The following SYNE2 variants were observed in gnomAD, a reference collection of about 807,000 sequenced individuals.
SYNE2 encodes the protein spectrin repeat containing nuclear envelope protein 2.
SYNE2 carries 431 observed loss-of-function variants against 856.3 expected under a neutral mutation model. The ratio of observed to expected loss-of-function variants is 0.50; its 90% CI spans 0.47 to 0.55. The LOEUF (loss-of-function observed/expected upper bound fraction) is 0.55. SYNE2 is among the 20% of genes least tolerant of loss of function. The pLI is 0.00. For missense variants in SYNE2, 8,129 were observed against 8,023.2 expected, an observed-to-expected ratio of 1.01 and a Z score of -0.50; for synonymous variants, 2,923 against 2,872.3, an observed-to-expected ratio of 1.02 and a Z score of -0.56.
chr14:63,850,358 G>A (rs916679826), upstream of SYNE2, among the ~76,000 whole-genome samples: 1 of 151,478 alleles, frequency 6.6e-6, no homozygotes, highest in African/African-American at 2.4e-5. Context: ...AAAGTGCTGG[G>A]ATTACAGGTG....
At position 63,956,464 on chromosome 14, in the gene SYNE2, C is replaced by G. The variant is rs143296909; in HGVS notation, c.787+1549C>G. Reference sequence around the variant, plus strand: ...ACTTCTGAACATTTAGCAGTCAACTCTCTTCAGCTGATGTGAGTCAGCTAG... The same window carrying G: ...ACTTCTGAACATTTAGCAGTCAACTGTCTTCAGCTGATGTGAGTCAGCTAG... On this transcript the variant is annotated intron_variant, in intron 8 of 115. Coordinates refer to ENST00000555002, the MANE Select transcript of SYNE2 (RefSeq NM_182914.3). The G allele has an allele frequency of 9.9e-4, 454 of 456,574 alleles. 3 individuals are homozygous for G. Among genetic ancestry groups the G allele is most frequent in the African/African-American group, 7.8e-3 (392 of 50,196 alleles). 28.3% of individuals were successfully genotyped at this position (456,574 alleles called of 1,614,324 possible). A position where few individuals can be genotyped will look rare whatever the true frequency, so the allele number is the denominator to read the frequency against.
intron 99 of SYNE2, among the ~76,000 whole-genome samples, chr14:64,195,490 C>T (rs893247931): frequency 3.9e-5 from 6 of 152,214 alleles, no homozygotes; most frequent in Non-Finnish European, 7.3e-5. Context: ...TTCCTGTTTA[C>T]ACTGAATTGC....
chr14:63,794,526 C>T (rs140592926), intron 1 of SYNE2, among the ~76,000 whole-genome samples: 2 of 151,886 alleles, frequency 1.3e-5, no homozygotes, highest in Admixed American at 6.6e-5. Context: ...TTCTCAAAAA[C>T]GGAAGTAACA....
chr14:64,184,804 A>G (rs1046721513), intron 96 of SYNE2, among the ~76,000 whole-genome samples: 11 of 152,254 alleles, frequency 7.2e-5, no homozygotes, highest in Admixed American at 5.2e-4. Context: ...TAATTCCTCA[A>G]TCTTCATGCA....
At chr14:64,078,717 T>G in intron 55 of SYNE2, 111 bp downstream of exon 55, 1 of 1,364,588 alleles carries the variant, frequency 7.3e-7, no homozygotes, top group South Asian at 1.2e-5. Context: ...GCACAGAAAT[T>G]GTAAACCAAA....
Position 63,941,923 on chromosome 14 carries a change from C to T in SYNE2, c.276C>T (p.Ile92=), listed in dbSNP as rs575263745. Residue 92 remains isoleucine (I), a synonymous_variant, in exon 5 of 116, where the codon ATC becomes ATT. Coordinates refer to ENST00000555002, the MANE Select transcript of SYNE2 (RefSeq NM_182914.3). ...DKGSNTFQCR[I]NIEHALTFLR... ...GATCTAATACCTTCCAGTGTAGAAT[C>T]AATATAGAACATGCCTTGACATTCC... 1.2e-4 allele frequency: 198 copies of T among 1,613,164 alleles called. 3 individuals carry two copies. The South Asian group carries it at 2.1e-3, about 17-fold the overall frequency.
Position 64,221,629 on chromosome 14 carries a change from C to G in SYNE2, c.20115C>G (p.Asn6705Lys), listed in dbSNP as rs199800249. ...NLLLWLASAK[N>K]RRQKAHVTDP... ...TGCTGTGGTTAGCGAGTGCCAAGAA[C>G]CGGAGGCAGAAGGCTCATGTCACCG... Residue 6705 changes from asparagine to lysine, a missense_variant, in exon 112 of 116, where the codon AAC becomes AAG. Around this residue, in one of 3 missense-constraint regions of SYNE2, gnomAD observed 5,410 missense variants for 5,284.8 expected, o/e 1.02. Coordinates refer to ENST00000555002, the MANE Select transcript of SYNE2 (RefSeq NM_182914.3). 81 of 1,614,124 alleles carry G rather than the reference C, an allele frequency of 5.0e-5. No homozygotes were observed. Among genetic ancestry groups the G allele is most frequent in the South Asian group, 4.8e-4 (44 of 91,068 alleles).
chr14:63,922,695 G>A (rs565063888), intron 2 of SYNE2, among the ~76,000 whole-genome samples: 6 of 152,200 alleles, frequency 3.9e-5, no homozygotes, highest in South Asian at 2.1e-4. Context: ...TCATTTCATC[G>A]CTATTTTTTG....
chr14:63,943,195 G>A (rs897188251), intron 6 of SYNE2, among the ~76,000 whole-genome samples: 1 of 152,178 alleles, frequency 6.6e-6, no homozygotes, highest in African/African-American at 2.4e-5. Flanking sequence ...TCCCAAGACT[G>A]AGTTGTGGAT....
Position 63,978,861 on chromosome 14 carries a change from C to A in SYNE2, c.1416C>A (p.Asn472Lys). The A allele has an allele frequency of 6.2e-7, 1 of 1,612,300 alleles. No individual in the cohort carries two copies. The highest frequency in any genetic ancestry group is 8.5e-7 in the Non-Finnish European group (1 of 1,178,852). ...KLEEMKRRIN[N>K]ILEKKFILLL... ...CTGCACTGTTTTCCAGAATCAACAA[C>A]ATTTTGGAGAAAAAATTTATTCTAC... Residue 472 changes from asparagine to lysine, a missense_variant, in exon 14 of 116, where the codon AAC becomes AAA. Physicochemically the swap from Asn to Lys is moderately conservative, Grantham distance 94. This residue lies in a region of SYNE2 where 2,422 missense variants were observed against 2,357.4 expected (regional missense o/e 1.03). Transcript: ENST00000555002.
intron 45 of SYNE2, among the ~76,000 whole-genome samples, chr14:64,035,890 G>C (rs1432624428): frequency 6.9e-6 from 1 of 145,282 alleles, no homozygotes; most frequent in Non-Finnish European, 1.5e-5. Flanking sequence ...TTTTTGTAGA[G>C]ACCCAGTCTC....
chr14:64,209,085 C>G (rs889896312), intron 101 of SYNE2, 140 bp downstream of exon 101: 2 of 1,124,940 alleles, frequency 1.8e-6, no homozygotes, highest in African/African-American at 3.1e-5. Context: ...CAACGCTTAT[C>G]AAAGGATTTA....
intron 17 of SYNE2, among the ~76,000 whole-genome samples, 164 bp downstream of exon 17, chr14:63,982,958 A>G (rs2096597822): frequency 6.6e-6 from 1 of 152,178 alleles, no homozygotes; most frequent in Non-Finnish European, 1.5e-5. Context: ...AGGAAACCCT[A>G]GCAGTCACTC....
intron 34 of SYNE2, among the ~76,000 whole-genome samples, chr14:64,018,977 A>G (rs2096915856): frequency 6.6e-6 from 1 of 152,192 alleles, no homozygotes; most frequent in African/African-American, 2.4e-5. Context: ...TGTATCATAT[A>G]AATTTGTTGT....
chr14:63,956,280 A>G (rs1026939565), intron 8 of SYNE2: 1 of 395,460 alleles, frequency 2.5e-6, no homozygotes, highest in Non-Finnish European at 5.0e-6. Context: ...CAGATACAAT[A>G]GACAGATAGC....
chr14:63,766,233 C>G (rs961909249), intron 1 of SYNE2, among the ~76,000 whole-genome samples: 1 of 151,966 alleles, frequency 6.6e-6, no homozygotes, highest in African/African-American at 2.4e-5. Context: ...TTCCTGCTAT[C>G]ACACCTGGCT....
At chr14:63,927,902 A>AG (rs1188383517) in intron 2 of SYNE2, among the ~76,000 whole-genome samples, 1 of 152,054 alleles carries the variant, frequency 6.6e-6, no homozygotes, top group South Asian at 2.1e-4. Flanking sequence ...AAAAAAAAAA[A>AG]CATGCCTTTC....
chr14:64,024,807 CATATT>C, intron 39 of SYNE2, 100 bp from the exon 40 acceptor site: 2 of 1,165,910 alleles, frequency 1.7e-6, no homozygotes, highest in Non-Finnish European at 2.5e-6. Flanking sequence ...TTATAACAAA[CATATT>C]ATAAAAACCT....
At chr14:64,061,551 A>G (rs750875205) in intron 49 of SYNE2, among the ~76,000 whole-genome samples, 5 of 152,196 alleles carry the variant, frequency 3.3e-5, no homozygotes, top group Admixed American at 6.5e-5. Flanking sequence ...ATTTTTGCCA[A>G]TCTGATGAGT....
Sources: gnomAD v4.1 joint callset for allele counts (sites outside exome capture counted in the v4.1 genomes callset) on GRCh38, gnomAD v4.1.1 for gene constraint, gnomAD v4.1.1 regional missense constraint, MANE v1.5 for transcripts, NCBI Gene and HGNC (gene_info 2026-07-23, HGNC 2026-07-21) for gene names.